Variants in FER observed in about 807,000 individuals in gnomAD.
FER encodes tyrosine-protein kinase Fer.
FER carries 63 observed loss-of-function variants against 111.0 expected under a neutral mutation model. The ratio of observed to expected loss-of-function variants is 0.57; its 90% confidence interval spans 0.46 to 0.70. The LOEUF is 0.70. Among genes scored for constraint, FER ranks in the 30% least tolerant of loss-of-function variants. The pLI is 0.00. For synonymous variants in FER, 327 were observed against 313.9 expected (o/e 1.04, Z -0.44); for missense variants, 914 against 954.0 (o/e 0.96, Z 0.55).
At chr5:109,155,705 A>G (rs1336053415) in intron 17 of FER, among the ~76,000 whole-genome samples, 2 of 151,980 alleles carry the variant, frequency 1.3e-5, no homozygotes, top group Non-Finnish European at 2.9e-5. Context: ...GAGCTTGATG[A>G]TACTCTCTTA....
At chr5:108,899,769 A>T (rs1476641731) in intron 10 of FER, among the ~76,000 whole-genome samples, 1 of 150,780 alleles carries the variant, frequency 6.6e-6, no homozygotes, top group Non-Finnish European at 1.5e-5. Context: ...GTGCCACTGC[A>T]CTCCAGCCTG....
At chr5:108,812,177 AT>A (rs1304821437) in intron 3 of FER, among the ~76,000 whole-genome samples, 1 of 152,112 alleles carries the variant, frequency 6.6e-6, no homozygotes, top group Non-Finnish European at 1.5e-5. Context: ...TTATTAGTCC[AT>A]TTTTCTTATA....
At chr5:108,985,956 G>A (rs111543108) in intron 13 of FER, among the ~76,000 whole-genome samples, 31,223 of 152,056 alleles carry the variant, frequency 0.21, 3,833 homozygotes, top group African/African-American at 0.35. Context: ...GATACCCAAT[G>A]GTGGGATTGC....
At chr5:108,785,511 A>G in intron 2 of FER, 1 of 563,660 alleles carries the variant, frequency 1.8e-6, no homozygotes, top group South Asian at 1.4e-5. Flanking sequence ...GGCTACACAG[A>G]CAACCTGGTG....
intron 4 of FER, among the ~76,000 whole-genome samples, chr5:108,833,435 A>G (rs980668661): frequency 6.6e-6 from 1 of 151,440 alleles, no homozygotes; most frequent in Non-Finnish European, 1.5e-5. Flanking sequence ...AGTAAAATCA[A>G]CTTCCACCTA....
At chr5:108,773,978 T>A (rs1206959006) in intron 2 of FER, among the ~76,000 whole-genome samples, 1 of 152,118 alleles carries the variant, frequency 6.6e-6, no homozygotes, top group Non-Finnish European at 1.5e-5. Flanking sequence ...AATGTTCAGG[T>A]TTATTACATA....
chr5:108,887,100 C>T (rs1202749909), intron 9 of FER, among the ~76,000 whole-genome samples: 1 of 151,572 alleles, frequency 6.6e-6, no homozygotes, highest in Non-Finnish European at 1.5e-5. Context: ...TACTTCTCAA[C>T]ACTTTGTTAG....
chr5:108,991,615 C>T (rs1763187159), intron 13 of FER, among the ~76,000 whole-genome samples: 1 of 151,120 alleles, frequency 6.6e-6, no homozygotes, highest in Non-Finnish European at 1.5e-5. Flanking sequence ...AGCAGATAAA[C>T]TTTTTTTTCT....
intron 9 of FER, among the ~76,000 whole-genome samples, chr5:108,892,171 G>A: frequency 6.6e-6 from 1 of 152,172 alleles, no homozygotes; most frequent in Admixed American, 6.5e-5. Flanking sequence ...AGTCCTTTGG[G>A]TATATACCCA....
Position 108,835,810 on chromosome 5 carries a change from A to G in FER, c.481+3A>G. The G allele has an allele frequency of 6.6e-7, 1 of 1,513,418 alleles. No homozygotes were observed. Among genetic ancestry groups the G allele is most frequent in the East Asian group, 2.4e-5 (1 of 42,032 alleles). The allele number at this position is 1,513,418 out of a possible 1,614,324, so 93.7% of individuals were successfully genotyped here. On this transcript the variant is annotated splice_donor_region_variant and intron_variant, in intron 5 of 19. Transcript: ENST00000281092. Reference sequence around the variant, plus strand: ...ATATAAAGAAGCTTTAGCTAAAGGTAAGGCAAAATTTTAAAAATTGTTTAC... The same window carrying G: ...ATATAAAGAAGCTTTAGCTAAAGGTGAGGCAAAATTTTAAAAATTGTTTAC...
rs575905495 is a variant in FER, at chr5:109,182,006, C to T, written c.2203+1105C>T. Among the ~76,000 whole-genome samples, 29 of 152,244 alleles carry T rather than the reference C, an allele frequency of 1.9e-4. 2 individuals are homozygous for T. The highest frequency in any genetic ancestry group is 1.5e-3 in the South Asian group (7 of 4,818). On this transcript the variant is annotated intron_variant, in intron 18 of 19. Coordinates refer to ENST00000281092, the MANE Select transcript of FER (RefSeq NM_005246.4). ...CATACAAATGGAATTATACGGTATG[C>T]GATATCTTGTGTCTGGCTTATTTTA...
intron 16 of FER, among the ~76,000 whole-genome samples, chr5:109,088,305 A>G (rs758762725): frequency 2.0e-4 from 31 of 151,982 alleles, no homozygotes; most frequent in Non-Finnish European, 4.3e-4. Flanking sequence ...TTGCTAATCT[A>G]ATTTTCTTGT....
chr5:109,145,418 T>C (rs1753979944), intron 17 of FER, among the ~76,000 whole-genome samples: 1 of 152,120 alleles, frequency 6.6e-6, no homozygotes, highest in Non-Finnish European at 1.5e-5. Context: ...CATATCATTT[T>C]ATGAAGTTAA....
intron 16 of FER, chr5:109,052,582 A>G (rs1772995849): frequency 1.7e-6 from 1 of 589,794 alleles, no homozygotes; most frequent in Non-Finnish European, 3.0e-6. Context: ...TTAAAGTTTA[A>G]AACTCCGCTG....
At chr5:108,860,436 C>T (rs1044002295) in intron 5 of FER, among the ~76,000 whole-genome samples, 1 of 152,110 alleles carries the variant, frequency 6.6e-6, no homozygotes. Flanking sequence ...AAATCAGAAA[C>T]TAAAATTTAG....
intron 16 of FER, among the ~76,000 whole-genome samples, chr5:109,063,239 C>A (rs1031528193): frequency 1.9e-4 from 29 of 151,996 alleles, no homozygotes; most frequent in Admixed American, 1.6e-3. Flanking sequence ...AAGTTAAATT[C>A]TTTTAAAAAA....
chr5:109,162,950 T>C (rs1472300468), intron 17 of FER, among the ~76,000 whole-genome samples: 1 of 152,130 alleles, frequency 6.6e-6, no homozygotes, highest in African/African-American at 2.4e-5. Flanking sequence ...CATGTAATCA[T>C]TACCACACTT....
chr5:108,865,287 A>G (rs1296702768), intron 5 of FER, among the ~76,000 whole-genome samples: 1 of 152,170 alleles, frequency 6.6e-6, no homozygotes, highest in Non-Finnish European at 1.5e-5. Context: ...ATAAACAATC[A>G]TGTCATCTGC....
chr5:109,150,739 A>G (rs912432572), intron 17 of FER, among the ~76,000 whole-genome samples: 2 of 152,166 alleles, frequency 1.3e-5, no homozygotes, highest in Admixed American at 6.6e-5. Context: ...CTTGCATAGA[A>G]ATTTACTGAG....
Sources: allele counts gnomAD v4.1 joint callset (sites outside exome capture counted in the v4.1 genomes callset), GRCh38; gene constraint gnomAD v4.1.1; transcripts MANE v1.5; gene names NCBI Gene and HGNC (gene_info 2026-07-23, HGNC 2026-07-21).